The following DSCAM variants were observed in gnomAD, a reference collection of about 807,000 sequenced individuals.
DSCAM encodes DS cell adhesion molecule, also known as cell adhesion molecule DSCAM.
A neutral mutation model predicts 217.7 loss-of-function variants in DSCAM; 47 were observed. The observed-to-expected ratio is 0.22, with a 90% CI of 0.17 to 0.28. DSCAM has a LOEUF of 0.28. Among genes scored for constraint, DSCAM ranks in the 10% least tolerant of loss-of-function variants. The probability of loss-of-function intolerance (pLI) is 1.00; values close to 1 mark genes in which losing one functional copy is unlikely to be tolerated. For missense variants in DSCAM, 2,080 were observed against 2,618.3 expected (o/e 0.79, Z 4.49); for synonymous variants, 1,056 against 1,015.3 (o/e 1.04, Z -0.76).
intron 1 of DSCAM, among the ~76,000 whole-genome samples, chr21:40,824,065 G>A (rs1184844416): frequency 6.6e-6 from 1 of 152,120 alleles, no homozygotes; most frequent in Non-Finnish European, 1.5e-5. Flanking sequence ...ACACCGCCAT[G>A]GGGATAATCT....
chr21:40,426,406 G>A (rs542624904), intron 3 of DSCAM, among the ~76,000 whole-genome samples: 14 of 152,300 alleles, frequency 9.2e-5, no homozygotes, highest in African/African-American at 3.1e-4. Flanking sequence ...GCATTTTCAC[G>A]AGTGGACGTT....
intron 1 of DSCAM, among the ~76,000 whole-genome samples, chr21:40,803,174 C>T (rs1026147038): frequency 6.6e-6 from 1 of 152,214 alleles, no homozygotes; most frequent in Non-Finnish European, 1.5e-5. Context: ...AAGTGCTGCA[C>T]AGCTGAAATC....
At chr21:40,682,931 G>A (rs2090430662) in intron 3 of DSCAM, among the ~76,000 whole-genome samples, 1 of 128,968 alleles carries the variant, frequency 7.8e-6, no homozygotes, top group Non-Finnish European at 1.7e-5. Flanking sequence ...GAGTATGAAA[G>A]TAATTAAGGT....
chr21:40,043,168 GC>G (rs561321716), intron 31 of DSCAM, among the ~76,000 whole-genome samples: 1 of 152,152 alleles, frequency 6.6e-6, no homozygotes, highest in Non-Finnish European at 1.5e-5. Flanking sequence ...AGCCAGAATG[GC>G]CCCCGACCCC....
Position 40,133,987 on chromosome 21 carries a change from G to A in DSCAM, c.3429C>T (p.Ile1143=). Residue 1143 remains isoleucine (I), a synonymous_variant, in exon 19 of 33, where the codon ATC becomes ATT. Transcript: ENST00000400454. ...MDGELGEIKN[I]TTTQPSLELD... is the part of the protein sequence containing the mutation. ...GCTCCAGTGAAGGCTGTGTGGTGGTGATGTTTTTAATCTCACCCAGCTCTG... is the reference window on the plus strand; with the variant it reads ...GCTCCAGTGAAGGCTGTGTGGTGGTAATGTTTTTAATCTCACCCAGCTCTG... The A allele has an allele frequency of 2.5e-6, 4 of 1,611,416 alleles. No homozygotes were observed. Among genetic ancestry groups the A allele is most frequent in the Non-Finnish European group, 3.4e-6 (4 of 1,178,980 alleles).
intron 2 of DSCAM, among the ~76,000 whole-genome samples, chr21:40,704,377 C>T (rs1419834873): frequency 3.3e-5 from 5 of 152,074 alleles, no homozygotes; most frequent in East Asian, 3.9e-4. Context: ...TTTTTTCTAT[C>T]GCTGACTAAT....
chr21:40,699,667 C>T (rs944559547), intron 2 of DSCAM, among the ~76,000 whole-genome samples: 2 of 152,174 alleles, frequency 1.3e-5, no homozygotes, highest in Non-Finnish European at 2.9e-5. Flanking sequence ...ACAACATTGC[C>T]TTAAGCGAAA....
rs77896989 is a variant in DSCAM, at chr21:40,659,419, A to C, written c.508+33391T>G. Among the ~76,000 whole-genome samples, 1,216 of 151,784 alleles carry C rather than the reference A, an allele frequency of 8.0e-3. 30 individuals carry two copies. Among genetic ancestry groups the C allele is most frequent in the South Asian group, 0.039 (185 of 4,788 alleles). ...ATCTCTCTCATCTCTCTATCACTCT[A>C]GTTATCTATCATCTCTCTCATATCT... On this transcript the variant is annotated intron_variant, in intron 3 of 32. Coordinates refer to ENST00000400454, the MANE Select transcript of DSCAM (RefSeq NM_001389.5).
chr21:40,735,585 T>G (rs1332285785), intron 1 of DSCAM, among the ~76,000 whole-genome samples: 1 of 152,170 alleles, frequency 6.6e-6, no homozygotes, highest in Admixed American at 6.5e-5. Context: ...GCTAAGAGAT[T>G]TGAAATGTCA....
chr21:40,145,225 C>A (rs1416121305), intron 16 of DSCAM, among the ~76,000 whole-genome samples: 1 of 152,148 alleles, frequency 6.6e-6, no homozygotes, highest in Non-Finnish European at 1.5e-5. Flanking sequence ...TTGTTCCAGG[C>A]ACCAGGGAAT....
intron 3 of DSCAM, among the ~76,000 whole-genome samples, chr21:40,485,054 C>G (rs1045239912): frequency 1.3e-5 from 2 of 152,146 alleles, no homozygotes; most frequent in African/African-American, 4.8e-5. Flanking sequence ...TGTTATTATA[C>G]AGAGGAATTG....
chr21:40,518,358 CAT>C (rs1366300931), intron 3 of DSCAM, among the ~76,000 whole-genome samples: 2 of 26,492 alleles, frequency 7.5e-5, no homozygotes, highest in East Asian at 8.0e-4. Flanking sequence ...GCAGTTTGCC[CAT>C]ATATATATAT....
At chr21:40,311,592 T>C (rs2074138046) in intron 9 of DSCAM, among the ~76,000 whole-genome samples, 1 of 152,164 alleles carries the variant, frequency 6.6e-6, no homozygotes, top group Non-Finnish European at 1.5e-5. Flanking sequence ...CTAAATAGAA[T>C]AGATGGGCAA....
chr21:40,637,640 T>A (rs1315971141), intron 3 of DSCAM, among the ~76,000 whole-genome samples: 1 of 64,796 alleles, frequency 1.5e-5, no homozygotes, highest in Non-Finnish European at 2.7e-5. Flanking sequence ...TAAATATATA[T>A]AAATATATAT....
At chr21:40,808,008 G>T (rs1157933938) in intron 1 of DSCAM, among the ~76,000 whole-genome samples, 1 of 152,096 alleles carries the variant, frequency 6.6e-6, no homozygotes, top group Admixed American at 6.6e-5. Context: ...CTCATCTGCT[G>T]AGTGTGTTGT....
chr21:40,259,175 C>A (rs2146974478), intron 11 of DSCAM, among the ~76,000 whole-genome samples: 1 of 152,146 alleles, frequency 6.6e-6, no homozygotes, highest in East Asian at 1.9e-4. Flanking sequence ...ATGAATATGC[C>A]TACTAGGAAA....
At chr21:40,015,406 A>G (rs2088138828) in intron 32 of DSCAM, among the ~76,000 whole-genome samples, 2 of 138,644 alleles carry the variant, frequency 1.4e-5, no homozygotes. Flanking sequence ...CCGGCAAAAT[A>G]TCTCTTGACT....
At chr21:40,184,324 C>G (rs2090870797) in intron 14 of DSCAM, among the ~76,000 whole-genome samples, 1 of 152,204 alleles carries the variant, frequency 6.6e-6, no homozygotes. Context: ...CAGGTGCTAT[C>G]TACTCTCAGC....
At chr21:40,262,995 G>A (rs1601496207) in intron 11 of DSCAM, among the ~76,000 whole-genome samples, 1 of 152,214 alleles carries the variant, frequency 6.6e-6, no homozygotes, top group Non-Finnish European at 1.5e-5. Flanking sequence ...GAGTCCAATA[G>A]TATTAAATTA....
Sources: gnomAD v4.1 joint callset for allele counts (sites outside exome capture counted in the v4.1 genomes callset) on GRCh38, gnomAD v4.1.1 for gene constraint, MANE v1.5 for transcripts, NCBI Gene and HGNC (gene_info 2026-07-23, HGNC 2026-07-21) for gene names.